SLIT3: variants seen among roughly 807,000 people sequenced by gnomAD.
SLIT3 encodes the protein slit homolog 3 protein.
In SLIT3, 68 loss-of-function variants were observed where a neutral mutation model predicts 184.0. The ratio of observed to expected loss-of-function variants is 0.37; its 90% CI spans 0.30 to 0.45. SLIT3 has a LOEUF of 0.45. Among genes scored for constraint, SLIT3 ranks in the 20% least tolerant of loss-of-function variants. SLIT3 has a pLI of 1.00. For synonymous variants in SLIT3, 831 were observed against 828.6 expected (o/e 1.00, Z -0.05); for missense variants, 1,707 against 2,026.0 (o/e 0.84, Z 3.02).
In SLIT3 at chr5:169,202,213, C is replaced by T. The variant is rs138925187; in HGVS notation, c.342-8663G>A. Among the ~76,000 whole-genome samples the T allele has an allele frequency of 2.0e-3, 305 of 152,100 alleles. 4 individuals are homozygous for T. The highest frequency in any genetic ancestry group is 7.1e-3 in the African/African-American group (295 of 41,518). On this transcript the variant is annotated intron_variant, in intron 3 of 35. Transcript: ENST00000519560. ...TCCCACTGCACTCCAGCCTATGCAACAGAACAAGAGCCTATTTCAAAAATA... is the reference window on the plus strand; with the variant it reads ...TCCCACTGCACTCCAGCCTATGCAATAGAACAAGAGCCTATTTCAAAAATA...
intron 3 of SLIT3, among the ~76,000 whole-genome samples, chr5:169,200,533 A>T (rs1763877626): frequency 1.0e-5 from 1 of 95,332 alleles, no homozygotes; most frequent in Admixed American, 1.2e-4. Context: ...GCTCCAGGCC[A>T]GCAAGCGCCA....
Position 168,752,018 on chromosome 5 carries a change from C to T in SLIT3, c.1973+937G>A, listed in dbSNP as rs542601482. 5.9e-5 allele frequency among the ~76,000 whole-genome samples: 9 copies of T among 152,242 alleles called. No homozygotes were observed. The South Asian group carries it at 6.2e-4, about 11-fold the overall frequency. Reference sequence around the variant, plus strand: ...CCTCCCAAAGTGCTGGGATTACAGGCGTGAGCCACCAAGCCTGGCTGCCAG... The same window carrying T: ...CCTCCCAAAGTGCTGGGATTACAGGTGTGAGCCACCAAGCCTGGCTGCCAG... On this transcript the variant is annotated intron_variant, in intron 18 of 35. Coordinates refer to ENST00000519560, the MANE Select transcript of SLIT3 (RefSeq NM_003062.4).
intron 20 of SLIT3, among the ~76,000 whole-genome samples, chr5:168,729,188 G>A (rs60947591): frequency 6.6e-6 from 1 of 151,954 alleles, no homozygotes; most frequent in African/African-American, 2.4e-5. Flanking sequence ...TTACCAAGGG[G>A]GAAAAGAGAT....
chr5:168,828,187 A>G (rs1757763685), intron 6 of SLIT3, among the ~76,000 whole-genome samples: 1 of 152,114 alleles, frequency 6.6e-6, no homozygotes, highest in Admixed American at 6.5e-5. Context: ...AGGTAGTCTC[A>G]CTCCTACCTT....
chr5:168,982,792 G>A (rs1346301476), intron 4 of SLIT3, among the ~76,000 whole-genome samples: 1 of 152,128 alleles, frequency 6.6e-6, no homozygotes, highest in African/African-American at 2.4e-5. Flanking sequence ...CTAGCTGAGT[G>A]GTGCTTCGAA....
intron 20 of SLIT3, among the ~76,000 whole-genome samples, chr5:168,743,898 C>A (rs1201237760): frequency 6.6e-6 from 1 of 152,214 alleles, no homozygotes; most frequent in Non-Finnish European, 1.5e-5. Flanking sequence ...TAATCCAGAG[C>A]AAGGCCCTAA....
chr5:169,182,277 G>C (rs6869130), intron 4 of SLIT3, among the ~76,000 whole-genome samples: 9,113 of 152,240 alleles, frequency 0.06, 956 homozygotes, highest in African/African-American at 0.21. Flanking sequence ...ACCAAATTTA[G>C]GCAAGGAGCA....
At chr5:169,290,299 G>A (rs545196871) in intron 1 of SLIT3, among the ~76,000 whole-genome samples, 9 of 134,660 alleles carry the variant, frequency 6.7e-5, no homozygotes, top group Admixed American at 1.5e-4. Context: ...GCTAGGGCGC[G>A]CACCAGGGCA....
chr5:169,150,907 G>A (rs1762093981), intron 4 of SLIT3, among the ~76,000 whole-genome samples: 1 of 152,142 alleles, frequency 6.6e-6, no homozygotes. Flanking sequence ...GGAGATGCTG[G>A]AAACATCTGC....
chr5:169,149,583 T>C (rs1436419136), intron 4 of SLIT3, among the ~76,000 whole-genome samples: 2 of 152,238 alleles, frequency 1.3e-5, no homozygotes, highest in African/African-American at 4.8e-5. Context: ...GGCCACCGTT[T>C]ACCTACTTTT....
Position 169,106,730 on chromosome 5 carries a change from T to C in SLIT3, c.413+86749A>G, listed in dbSNP as rs1419918768. 8.5e-5 allele frequency among the ~76,000 whole-genome samples: 13 copies of C among 152,222 alleles called. No individual in the cohort carries two copies. The East Asian group carries it at 2.3e-3, about 27-fold the overall frequency. ...TCTTGCTAGGCATCACAACAGATAC[T>C]GATAATTTACTAACTTCATTTCTAG... is the stretch of plus-strand genomic sequence containing the variant. On this transcript the variant is annotated intron_variant, in intron 4 of 35. Transcript: ENST00000519560.
intron 5 of SLIT3, among the ~76,000 whole-genome samples, chr5:168,873,077 G>T (rs181231132): frequency 1.3e-5 from 2 of 152,088 alleles, no homozygotes; most frequent in Admixed American, 1.3e-4. Context: ...CCATGAATCT[G>T]TCTGTATCTG....
intron 20 of SLIT3, among the ~76,000 whole-genome samples, chr5:168,746,728 G>A (rs1436662119): frequency 8.8e-6 from 1 of 113,282 alleles, no homozygotes; most frequent in Non-Finnish European, 1.8e-5. Flanking sequence ...GTGTGGCGGT[G>A]TGTGGTGGTG....
chr5:169,040,164 C>A (rs1237999613), intron 4 of SLIT3, among the ~76,000 whole-genome samples: 1 of 152,198 alleles, frequency 6.6e-6, no homozygotes. Context: ...ACTTTTGGGA[C>A]AGAGTATATC....
chr5:168,980,088 CA>C (rs1331403824), intron 4 of SLIT3, among the ~76,000 whole-genome samples: 2 of 152,084 alleles, frequency 1.3e-5, no homozygotes, highest in Admixed American at 6.6e-5. Flanking sequence ...CACTTTAGAG[CA>C]GGGGACACAG....
intron 25 of SLIT3, among the ~76,000 whole-genome samples, chr5:168,710,360 TTTG>T (rs1449354150): frequency 2.0e-5 from 3 of 152,190 alleles, no homozygotes; most frequent in Non-Finnish European, 4.4e-5. Flanking sequence ...TCAGTAGTAG[TTTG>T]TTGTTATAAT....
intron 4 of SLIT3, among the ~76,000 whole-genome samples, chr5:169,008,501 C>T (rs920774702): frequency 6.6e-6 from 1 of 152,146 alleles, no homozygotes; most frequent in Non-Finnish European, 1.5e-5. Flanking sequence ...GCAGGTGGGC[C>T]CAGACGAGAT....
intron 5 of SLIT3, among the ~76,000 whole-genome samples, chr5:168,871,572 AGAAAGAGT>A (rs745509723): frequency 1.6e-4 from 24 of 152,152 alleles, no homozygotes; most frequent in Non-Finnish European, 3.1e-4. Flanking sequence ...AAGAAATAAC[AGAAAGAGT>A]GATGAAGTTA....
At chr5:168,693,998 C>T (rs2113258260) in intron 28 of SLIT3, among the ~76,000 whole-genome samples, 1 of 152,298 alleles carries the variant, frequency 6.6e-6, no homozygotes, top group South Asian at 2.1e-4. Flanking sequence ...TCATTCTGTA[C>T]CTGAGTTTCC....
Sources: allele counts gnomAD v4.1 joint callset (sites outside exome capture counted in the v4.1 genomes callset), GRCh38; gene constraint gnomAD v4.1.1; transcripts MANE v1.5; gene names NCBI Gene and HGNC (gene_info 2026-07-23, HGNC 2026-07-21).